Variants in GLG1 observed in about 807,000 individuals in gnomAD.
GLG1 encodes golgi glycoprotein 1.
In GLG1, 38 loss-of-function variants were observed where a neutral mutation model predicts 160.5. That is an observed-to-expected ratio of 0.24 (90% CI 0.18 to 0.31). The LOEUF is 0.31. Among genes scored for constraint, GLG1 ranks in the 10% least tolerant of loss-of-function variants. The pLI is 1.00. For synonymous variants in GLG1, 644 were observed against 543.4 expected (o/e 1.19, Z -2.57); for missense variants, 1,373 against 1,505.2 (o/e 0.91, Z 1.45).
In GLG1 at chr16:74,448,017, G is replaced by A. The variant is rs2014135339; in HGVS notation, c.*5150C>T. 1 of 152,374 alleles carries A rather than the reference G, an allele frequency of 6.6e-6. No individual in the cohort carries two copies. The highest frequency in any genetic ancestry group is 2.1e-4 in the South Asian group (1 of 4,834). The allele number at this position is 152,374 out of a possible 1,614,324, so 9.4% of individuals were successfully genotyped here. The stretch of plus-strand genomic sequence containing the variant: ...TGGTGGAGCAGAGGGAGCGGGAGAG[G>A]ACCACGGGTCAGGATCCTGTCACCA... On this transcript the variant is annotated 3_prime_UTR_variant, in exon 26 of 26. Coordinates refer to ENST00000422840, the MANE Select transcript of GLG1 (RefSeq NM_001145667.2).
At chr16:74,584,867 G>C (rs1038449627) in intron 1 of GLG1, among the ~76,000 whole-genome samples, 2 of 152,006 alleles carry the variant, frequency 1.3e-5, no homozygotes, top group African/African-American at 4.8e-5. Context: ...AGTGAGCTGA[G>C]ATTGTGCCAC....
At chr16:74,540,072 TA>T (rs1368668918) in intron 1 of GLG1, among the ~76,000 whole-genome samples, 40 of 626 alleles carry the variant, frequency 0.064, 20 homozygotes, top group Non-Finnish European at 0.26. Context: ...ATATATATAT[TA>T]TATATATTTT....
At chr16:74,523,746 A>T (rs924085573) in intron 2 of GLG1, among the ~76,000 whole-genome samples, 1 of 152,028 alleles carries the variant, frequency 6.6e-6, no homozygotes, top group Non-Finnish European at 1.5e-5. Context: ...TGTTAATAAT[A>T]TATAAAAGTA....
chr16:74,551,947 G>A (rs1311530174), intron 1 of GLG1, among the ~76,000 whole-genome samples: 2 of 151,272 alleles, frequency 1.3e-5, no homozygotes, highest in East Asian at 3.9e-4. Context: ...TATCTTTCTA[G>A]TTTTCCTTTT....
At chr16:74,532,296 AT>A (rs1306917311) in intron 1 of GLG1, 143 bp from the exon 2 acceptor site, 1 of 339,020 alleles carries the variant, frequency 2.9e-6, no homozygotes, top group East Asian at 4.7e-5. Context: ...CTTCTTCAAC[AT>A]AAGGAGTAAA....
chr16:74,496,993 A>G (rs2016213658), intron 4 of GLG1, among the ~76,000 whole-genome samples: 1 of 152,060 alleles, frequency 6.6e-6, no homozygotes, highest in African/African-American at 2.4e-5. Context: ...AAGAAACACA[A>G]CAGGGCCAGG....
At chr16:74,460,211 G>C (rs565134133) in intron 22 of GLG1, among the ~76,000 whole-genome samples, 3 of 152,302 alleles carry the variant, frequency 2.0e-5, no homozygotes, top group East Asian at 1.9e-4. Flanking sequence ...AGTAGAGACA[G>C]AGTTTCTCCA....
At chr16:74,509,736 C>A (rs1017117664) in intron 2 of GLG1, among the ~76,000 whole-genome samples, 3 of 151,594 alleles carry the variant, frequency 2.0e-5, no homozygotes, top group Non-Finnish European at 4.4e-5. Flanking sequence ...GCAGTCCCAG[C>A]TACTCGGGAG....
At chr16:74,473,728 T>C (rs1199461884) in intron 13 of GLG1, among the ~76,000 whole-genome samples, 1 of 151,854 alleles carries the variant, frequency 6.6e-6, no homozygotes, top group Admixed American at 6.6e-5. Flanking sequence ...TGTGAGCCAC[T>C]GCACCTGGCC....
At position 74,583,050 on chromosome 16, in the gene GLG1, T is replaced by G. The variant is rs1163860693; in HGVS notation, c.438+23607A>C. Among the ~76,000 whole-genome samples, 16 of 152,006 alleles carry G rather than the reference T, an allele frequency of 1.1e-4. 1 individual carries two copies. Among genetic ancestry groups the G allele is most frequent in the African/African-American group, 3.6e-4 (15 of 41,390 alleles). On this transcript the variant is annotated intron_variant, in intron 1 of 25. Coordinates refer to ENST00000422840, the MANE Select transcript of GLG1 (RefSeq NM_001145667.2). ...CTTTCCTTGGCTTCCACAACTAAAC[T>G]CCTGTAAATCTTCTTGTAACTCCCA...
intron 2 of GLG1, among the ~76,000 whole-genome samples, chr16:74,525,015 A>G (rs1398073132): frequency 6.6e-6 from 1 of 152,164 alleles, no homozygotes; most frequent in African/African-American, 2.4e-5. Flanking sequence ...ATTTCACTGT[A>G]TGGCCACATC....
chr16:74,492,921 C>T (rs753361136), intron 7 of GLG1, 36 bp downstream of exon 7: 8 of 1,351,226 alleles, frequency 5.9e-6, no homozygotes, highest in Non-Finnish European at 6.0e-6. Context: ...CAAAAAGGAA[C>T]AGAAATGATA....
At chr16:74,497,282 T>A (rs1419315076) in intron 4 of GLG1, among the ~76,000 whole-genome samples, 2 of 66,426 alleles carry the variant, frequency 3.0e-5, no homozygotes, top group Middle Eastern at 6.8e-3. Flanking sequence ...AGACAGAAAC[T>A]CTGTAAAAAA....
intron 1 of GLG1, among the ~76,000 whole-genome samples, chr16:74,545,049 C>G (rs1297490542): frequency 6.6e-6 from 1 of 150,562 alleles, no homozygotes; most frequent in Non-Finnish European, 1.5e-5. Flanking sequence ...TAGATTCTGG[C>G]TACAGGAAGG....
chr16:74,525,095 A>C (rs1891596564), intron 2 of GLG1, among the ~76,000 whole-genome samples: 1 of 152,170 alleles, frequency 6.6e-6, no homozygotes, highest in Non-Finnish European at 1.5e-5. Context: ...TTTACTAATA[A>C]TGCTGCTATG....
intron 1 of GLG1, among the ~76,000 whole-genome samples, chr16:74,602,704 A>G (rs1280567350): frequency 1.3e-5 from 2 of 151,150 alleles, no homozygotes; most frequent in African/African-American, 4.9e-5. Context: ...AATCGCTTGA[A>G]CTCGGGAGGC....
At chr16:74,483,153 A>G in intron 9 of GLG1, 29 bp from the exon 10 acceptor site, 3 of 1,292,896 alleles carry the variant, frequency 2.3e-6, no homozygotes, top group Non-Finnish European at 3.4e-6. Flanking sequence ...AAATTGTAAC[A>G]AGAGAGAAGT....
rs540945306 is a variant in GLG1, at chr16:74,574,808, C to T, written c.438+31849G>A. 6.2e-5 allele frequency among the ~76,000 whole-genome samples: 8 copies of T among 128,808 alleles called. No homozygotes were observed. The South Asian group carries it at 1.9e-3, about 30-fold the overall frequency. The allele number at this position is 128,808 out of a possible 152,430, so 84.5% of individuals were successfully genotyped here. ...CTGAGACACAAGAATCTCTTGAACTCGGGAGGTGGAGGTTGCAGTGAGCCT... is the reference window on the plus strand; with the variant it reads ...CTGAGACACAAGAATCTCTTGAACTTGGGAGGTGGAGGTTGCAGTGAGCCT... On this transcript the variant is annotated intron_variant, in intron 1 of 25. Transcript: ENST00000422840.
chr16:74,470,198 C>A, intron 15 of GLG1, 125 bp from the exon 16 acceptor site: 1 of 694,660 alleles, frequency 1.4e-6, no homozygotes, highest in Admixed American at 2.0e-5. Context: ...TTGACCCACA[C>A]GTGAGACATC....
Sources: allele counts gnomAD v4.1 joint callset (sites outside exome capture counted in the v4.1 genomes callset), GRCh38; gene constraint gnomAD v4.1.1; transcripts MANE v1.5; gene names NCBI Gene and HGNC (gene_info 2026-07-23, HGNC 2026-07-21).